The following GAS2 variants were observed in gnomAD, a reference collection of about 807,000 sequenced individuals.
The protein encoded by GAS2 is growth arrest specific 2.
Under a neutral mutation model 37.5 loss-of-function variants are expected in GAS2, and 20 were observed. The ratio of observed to expected loss-of-function variants is 0.53; its 90% confidence interval spans 0.37 to 0.77. GAS2 has a LOEUF of 0.77. Among genes scored for constraint, GAS2 ranks in the 30% least tolerant of loss-of-function variants. The probability of loss-of-function intolerance (pLI) is 0.00; values close to 1 mark genes in which losing one functional copy is unlikely to be tolerated. For missense variants in GAS2, 336 were observed against 373.4 expected (o/e 0.90, Z 0.82); for synonymous variants, 144 against 132.2 (o/e 1.09, Z -0.61).
intron 7 of GAS2, among the ~76,000 whole-genome samples, chr11:22,804,244 G>A (rs1856793288): frequency 6.6e-6 from 1 of 152,072 alleles, no homozygotes; most frequent in Non-Finnish European, 1.5e-5. Flanking sequence ...ATGTTAGAAT[G>A]GCAAAACTTA....
chr11:22,794,554 T>C (rs1856338034), intron 7 of GAS2, among the ~76,000 whole-genome samples: 1 of 152,158 alleles, frequency 6.6e-6, no homozygotes, highest in Non-Finnish European at 1.5e-5. Context: ...CTTCCTTTCT[T>C]TCTATTTGCT....
intron 1 of GAS2, among the ~76,000 whole-genome samples, chr11:22,649,708 G>A (rs1162804477): frequency 1.3e-5 from 2 of 152,156 alleles, no homozygotes; most frequent in Admixed American, 6.5e-5. Flanking sequence ...TTTGCATAGA[G>A]GTGTTTGTAG....
In GAS2 at chr11:22,630,753, A is replaced by G. The variant is rs189114724; in HGVS notation, c.-21+4940A>G. 4.7e-4 allele frequency among the ~76,000 whole-genome samples: 72 copies of G among 152,292 alleles called. 1 individual carries two copies. The East Asian group carries it at 6.9e-3, about 15-fold the overall frequency. The stretch of plus-strand genomic sequence containing the variant: ...CCAGTGTCATGCTGCTTTGCTTACT[A>G]TAACCTTGTAGAATTTGATGTTGAG... On this transcript the variant is annotated intron_variant, in intron 1 of 5. Transcript: ENST00000528582.
chr11:22,737,003 C>T (rs916522052), intron 4 of GAS2, among the ~76,000 whole-genome samples: 1 of 152,152 alleles, frequency 6.6e-6, no homozygotes, highest in African/African-American at 2.4e-5. Context: ...ACTAATTAAT[C>T]ACATTATATT....
intron 3 of GAS2, among the ~76,000 whole-genome samples, chr11:22,699,288 A>G (rs961539821): frequency 6.6e-6 from 1 of 152,142 alleles, no homozygotes; most frequent in Non-Finnish European, 1.5e-5. Flanking sequence ...TCTTTACTGT[A>G]CCCCTTCCTT....
chr11:22,731,819 G>T (rs957273656), intron 4 of GAS2, among the ~76,000 whole-genome samples: 3 of 151,540 alleles, frequency 2.0e-5, no homozygotes, highest in Non-Finnish European at 4.4e-5. Context: ...AATAATTTCA[G>T]GATACTCATT....
chr11:22,802,734 C>G (rs1856723059), intron 7 of GAS2, among the ~76,000 whole-genome samples: 1 of 151,992 alleles, frequency 6.6e-6, no homozygotes, highest in Non-Finnish European at 1.5e-5. Context: ...ATAACAAACA[C>G]CAACATAGGA....
intron 1 of GAS2, among the ~76,000 whole-genome samples, chr11:22,641,830 A>G (rs1848633120): frequency 6.6e-6 from 1 of 152,184 alleles, no homozygotes; most frequent in Non-Finnish European, 1.5e-5. Flanking sequence ...GAGCAGTCTA[A>G]TACAGTGATT....
intron 6 of GAS2, among the ~76,000 whole-genome samples, chr11:22,751,094 T>C (rs1432182410): frequency 6.6e-6 from 1 of 151,978 alleles, no homozygotes; most frequent in African/African-American, 2.4e-5. Flanking sequence ...TAAAATTATA[T>C]AGGGTGCTCT....
intron 3 of GAS2, among the ~76,000 whole-genome samples, chr11:22,694,392 G>T (rs944759620): frequency 3.9e-5 from 6 of 152,112 alleles, no homozygotes; most frequent in Non-Finnish European, 8.8e-5. Context: ...AAATGAGGAA[G>T]CTCATTTCAA....
chr11:22,791,612 A>G (rs1460951635), intron 7 of GAS2, among the ~76,000 whole-genome samples: 1 of 152,228 alleles, frequency 6.6e-6, no homozygotes, highest in Admixed American at 6.5e-5. Flanking sequence ...GCTAGATACT[A>G]GGGAGAATGA....
intron 2 of GAS2, among the ~76,000 whole-genome samples, chr11:22,683,985 T>A (rs1431147018): frequency 6.6e-6 from 1 of 152,172 alleles, no homozygotes; most frequent in Non-Finnish European, 1.5e-5. Context: ...GGAAAACAGA[T>A]CAATGTGTAC....
intron 7 of GAS2, among the ~76,000 whole-genome samples, chr11:22,772,903 A>G (rs1355088185): frequency 6.6e-6 from 1 of 152,204 alleles, no homozygotes; most frequent in African/African-American, 2.4e-5. Context: ...ACACCCTGCA[A>G]TGCCCAAAGA....
chr11:22,734,696 C>T (rs1052618462), intron 4 of GAS2, among the ~76,000 whole-genome samples: 1 of 151,670 alleles, frequency 6.6e-6, no homozygotes, highest in South Asian at 2.1e-4. Flanking sequence ...TTAATCATCA[C>T]AAAAATATTA....
At chr11:22,651,645 C>A (rs1275780722) in intron 1 of GAS2, among the ~76,000 whole-genome samples, 1 of 152,038 alleles carries the variant, frequency 6.6e-6, no homozygotes, top group Non-Finnish European at 1.5e-5. Flanking sequence ...TCTAAACTTC[C>A]CTTCTTACTT....
At chr11:22,751,493 C>T (rs998552655) in intron 6 of GAS2, among the ~76,000 whole-genome samples, 3 of 151,730 alleles carry the variant, frequency 2.0e-5, no homozygotes, top group Non-Finnish European at 2.9e-5. Flanking sequence ...CATATTTTAT[C>T]GATCTACATC....
intron 1 of GAS2, among the ~76,000 whole-genome samples, chr11:22,631,946 CTT>C (rs35928910): frequency 0.012 from 1,030 of 83,000 alleles, 7 homozygotes; most frequent in East Asian, 0.055. Context: ...TGGCCCTGGA[CTT>C]TTTTTTTTTT....
At chr11:22,776,948 T>C (rs1372858982) in intron 7 of GAS2, among the ~76,000 whole-genome samples, 2 of 152,214 alleles carry the variant, frequency 1.3e-5, no homozygotes, top group Non-Finnish European at 2.9e-5. Context: ...GTAGCTGGCA[T>C]GTCATAACTA....
intron 7 of GAS2, among the ~76,000 whole-genome samples, chr11:22,793,399 A>C (rs1482575089): frequency 6.6e-6 from 1 of 152,232 alleles, no homozygotes; most frequent in Admixed American, 6.5e-5. Context: ...CTGTTCAGAT[A>C]GTAGGAAAAC....
Sources: allele counts gnomAD v4.1 joint callset (sites outside exome capture counted in the v4.1 genomes callset), GRCh38; gene constraint gnomAD v4.1.1; transcripts MANE v1.5; gene names NCBI Gene and HGNC (gene_info 2026-07-23, HGNC 2026-07-21).